The following MBNL1 variants were observed in gnomAD, a reference collection of about 807,000 sequenced individuals.
The protein encoded by MBNL1 is muscleblind-like protein 1.
In MBNL1, 8 loss-of-function variants were observed where a neutral mutation model predicts 42.2. The ratio of observed to expected loss-of-function variants is 0.19; its 90% CI spans 0.11 to 0.34. The LOEUF (loss-of-function observed/expected upper bound fraction) is 0.34, where lower values mean the gene tolerates loss of function less well. Ranked by LOEUF, MBNL1 falls within the 10% of genes least tolerant of loss-of-function variation. The pLI is 1.00. For synonymous variants in MBNL1, 169 were observed against 173.9 expected (o/e 0.97, Z 0.22); for missense variants, 309 against 495.3 (o/e 0.62, Z 3.57).
chr3:152,271,900 C>T (rs748449430), intron 1 of MBNL1, among the ~76,000 whole-genome samples: 21 of 151,776 alleles, frequency 1.4e-4, no homozygotes, highest in African/African-American at 4.8e-4. Context: ...AAAATACTAC[C>T]GGTTTTGAAA....
intron 4 of MBNL1, among the ~76,000 whole-genome samples, chr3:152,441,938 G>T (rs564135720): frequency 2.6e-5 from 4 of 152,108 alleles, no homozygotes; most frequent in African/African-American, 9.6e-5. Context: ...GATTACAGGC[G>T]CCTGCCACCA....
intron 2 of MBNL1, among the ~76,000 whole-genome samples, chr3:152,254,316 A>T (rs1026387120): frequency 6.6e-6 from 1 of 152,142 alleles, no homozygotes; most frequent in African/African-American, 2.4e-5. Context: ...ATAAGTTCAT[A>T]GTGACTGCCA....
At chr3:152,454,450 A>G (rs1488406169) in intron 6 of MBNL1, among the ~76,000 whole-genome samples, 1 of 152,222 alleles carries the variant, frequency 6.6e-6, no homozygotes, top group Non-Finnish European at 1.5e-5. Context: ...TAGAAATATA[A>G]AATCCTTGGA....
intron 1 of MBNL1, among the ~76,000 whole-genome samples, chr3:152,275,666 C>A (rs1273278085): frequency 2.1e-5 from 3 of 144,898 alleles, no homozygotes; most frequent in Admixed American, 1.4e-4. Flanking sequence ...TGAGATCATG[C>A]CACTGCACTC....
intron 2 of MBNL1, among the ~76,000 whole-genome samples, chr3:152,403,628 T>C (rs1217511894): frequency 6.6e-6 from 1 of 152,192 alleles, no homozygotes; most frequent in Non-Finnish European, 1.5e-5. Flanking sequence ...GGAACTGCCC[T>C]AGAAAACCAG....
chr3:152,409,253 A>G (rs1278155513), intron 2 of MBNL1, among the ~76,000 whole-genome samples: 1 of 152,184 alleles, frequency 6.6e-6, no homozygotes, highest in African/African-American at 2.4e-5. Context: ...TAAATTTTCT[A>G]ACACTAGATA....
At chr3:152,376,990 G>A (rs1270061583) in intron 2 of MBNL1, among the ~76,000 whole-genome samples, 1 of 152,052 alleles carries the variant, frequency 6.6e-6, no homozygotes, top group Non-Finnish European at 1.5e-5. Context: ...GTTACATGAA[G>A]TTGAGTTTGT....
chr3:152,253,736 A>G (rs577717015), intron 2 of MBNL1, among the ~76,000 whole-genome samples: 1 of 152,126 alleles, frequency 6.6e-6, no homozygotes, highest in Non-Finnish European at 1.5e-5. Context: ...TTTTCCTGGC[A>G]TGCCCACACA....
intron 2 of MBNL1, among the ~76,000 whole-genome samples, chr3:152,368,062 G>A (rs1358500799): frequency 6.6e-6 from 1 of 151,846 alleles, no homozygotes; most frequent in Non-Finnish European, 1.5e-5. Context: ...GGCTTTTGGT[G>A]TTTTAGTCAT....
chr3:152,412,466 T>A (rs1263525396), intron 2 of MBNL1, among the ~76,000 whole-genome samples: 2 of 152,164 alleles, frequency 1.3e-5, no homozygotes, highest in Non-Finnish European at 2.9e-5. Flanking sequence ...TATCAGTTGA[T>A]TCTTAGGAAC....
chr3:152,357,247 A>G (rs542483580), intron 2 of MBNL1, among the ~76,000 whole-genome samples: 2 of 152,336 alleles, frequency 1.3e-5, no homozygotes, highest in South Asian at 4.1e-4. Flanking sequence ...GGACGGAGGC[A>G]GGATTCAGTT....
chr3:152,259,242 A>T (rs1440821744), intron 2 of MBNL1, among the ~76,000 whole-genome samples: 4 of 152,210 alleles, frequency 2.6e-5, no homozygotes, highest in Non-Finnish European at 5.9e-5. Flanking sequence ...GGGAGTAAGT[A>T]TGTGGGTGGG....
At chr3:152,461,622 TGAG>T (rs1175482839) in intron 9 of MBNL1, among the ~76,000 whole-genome samples, 1 of 152,220 alleles carries the variant, frequency 6.6e-6, no homozygotes, top group East Asian at 1.9e-4. Context: ...CTCATCTTCA[TGAG>T]GAGTTGCAAC....
At chr3:152,402,448 G>C (rs556918358) in intron 2 of MBNL1, among the ~76,000 whole-genome samples, 1 of 152,296 alleles carries the variant, frequency 6.6e-6, no homozygotes, top group Admixed American at 6.5e-5. Context: ...GCAACTTTCT[G>C]ATTTCACTTC....
chr3:152,340,945 G>A (rs2152829082), intron 2 of MBNL1: 1 of 1,538,558 alleles, frequency 6.5e-7, no homozygotes, highest in East Asian at 2.3e-5. Flanking sequence ...ACTGCAGCAG[G>A]CCTGCACCTA....
At chr3:152,392,192 A>G (rs768667470) in intron 2 of MBNL1, among the ~76,000 whole-genome samples, 18 of 152,190 alleles carry the variant, frequency 1.2e-4, no homozygotes, top group Non-Finnish European at 2.5e-4. Context: ...AAATCTCCGC[A>G]AGAAGTACCT....
chr3:152,333,857 G>A (rs572152714), intron 2 of MBNL1, among the ~76,000 whole-genome samples: 2 of 152,278 alleles, frequency 1.3e-5, no homozygotes, highest in East Asian at 3.8e-4. Context: ...AATTAGTGGT[G>A]GAGTTTTAAT....
In MBNL1 at chr3:152,272,156, A is replaced by G. The variant is rs1033407312; in HGVS notation, c.-790+3064A>G. On this transcript the variant is annotated intron_variant, in intron 1 of 9. Transcript: ENST00000324210. Reference sequence around the variant, plus strand: ...TGTTCTAGGATAAAGCAGGAAAACAATATTCTGGGAGAAAGCTTAAAGATT... The same window carrying G: ...TGTTCTAGGATAAAGCAGGAAAACAGTATTCTGGGAGAAAGCTTAAAGATT... Among the ~76,000 whole-genome samples the G allele has an allele frequency of 1.2e-4, 18 of 152,188 alleles. 1 individual carries two copies. The highest frequency in any genetic ancestry group is 9.2e-4 in the Admixed American group (14 of 15,276).
chr3:152,308,896 A>ACC (rs1244167508), intron 2 of MBNL1, among the ~76,000 whole-genome samples: 3 of 152,086 alleles, frequency 2.0e-5, no homozygotes, highest in African/African-American at 7.2e-5. Context: ...GAAGAAAACC[A>ACC]TTAGGAGGTG....
Sources: gnomAD v4.1 joint callset for allele counts (sites outside exome capture counted in the v4.1 genomes callset) on GRCh38, gnomAD v4.1.1 for gene constraint, MANE v1.5 for transcripts, NCBI Gene and HGNC (gene_info 2026-07-23, HGNC 2026-07-21) for gene names.